SPATS2: variants seen among roughly 807,000 people sequenced by gnomAD.
The protein encoded by SPATS2 is spermatogenesis-associated serine-rich protein 2.
SPATS2 carries 38 observed loss-of-function variants against 63.7 expected under a neutral mutation model. The ratio of observed to expected loss-of-function variants is 0.60; its 90% CI spans 0.46 to 0.78. The LOEUF is 0.78. SPATS2 is among the 30% of genes least tolerant of loss of function. SPATS2 has a pLI of 0.00. For missense variants in SPATS2, 588 were observed against 666.2 expected (o/e 0.88, Z 1.29); for synonymous variants, 207 against 232.9 (o/e 0.89, Z 1.01).
chr12:49,392,004 C>T lies in SPATS2; in HGVS notation c.-244+20714C>T, dbSNP rs111517426. 4.7e-4 allele frequency among the ~76,000 whole-genome samples: 71 copies of T among 152,148 alleles called. 1 individual carries two copies. Among genetic ancestry groups the T allele is most frequent in the African/African-American group, 1.7e-3 (70 of 41,494 alleles). On this transcript the variant is annotated intron_variant, in intron 2 of 13. Transcript: ENST00000552918. ...TTTTATTGTTTTTGGGAAAGTATCCCTTAATTTAACGACACATTCATTCAG... is the reference window on the plus strand; with the variant it reads ...TTTTATTGTTTTTGGGAAAGTATCCTTTAATTTAACGACACATTCATTCAG...
intron 2 of SPATS2, chr12:49,442,413 A>T (rs1435557597): frequency 6.5e-6 from 1 of 153,052 alleles, no homozygotes; most frequent in Non-Finnish European, 1.5e-5. Context: ...TTTGATATTA[A>T]TCAAACTAGG....
intron 7 of SPATS2, among the ~76,000 whole-genome samples, chr12:49,495,590 G>A (rs1419615161): frequency 2.0e-5 from 3 of 152,040 alleles, no homozygotes; most frequent in African/African-American, 7.3e-5. Context: ...TTCCATTATT[G>A]GAACGCTGAG....
chr12:49,513,403 A>T (rs1439802417), intron 9 of SPATS2, among the ~76,000 whole-genome samples: 1 of 152,158 alleles, frequency 6.6e-6, no homozygotes, highest in African/African-American at 2.4e-5. Flanking sequence ...TTTTGCCACC[A>T]CAAAGCAAAA....
At chr12:49,409,274 G>C (rs1944752672) in intron 2 of SPATS2, among the ~76,000 whole-genome samples, 1 of 152,040 alleles carries the variant, frequency 6.6e-6, no homozygotes, top group South Asian at 2.1e-4. Flanking sequence ...TGGAGAGGTG[G>C]AGAATATTTT....
rs1327783252 is a variant in SPATS2 at position 49,524,796 on chromosome 12, C to CT, written c.1227dup (p.Pro410SerfsTer7). The stretch of plus-strand genomic sequence containing the variant: ...GCTTCCTCTTCCACCTGTGCCTCTC[C>CT]TCCCAGCCTTACAAGTGCTAACAAG... On this transcript the variant is annotated frameshift_variant, in exon 13 of 14. Transcript: ENST00000552918. LOFTEE classifies it high-confidence loss of function. 1 of 1,614,058 alleles carries CT rather than the reference C, an allele frequency of 6.2e-7. No homozygotes were observed. The highest frequency in any genetic ancestry group is 8.5e-7 in the Non-Finnish European group (1 of 1,180,046).
At chr12:49,486,346 C>G (rs1249881278) in intron 4 of SPATS2, 4 of 367,492 alleles carry the variant, frequency 1.1e-5, no homozygotes, top group Non-Finnish European at 1.6e-5. Context: ...GCTGGGGATA[C>G]AGGTGCGTGC....
chr12:49,396,421 CTCTG>C (rs1173518084), intron 2 of SPATS2, among the ~76,000 whole-genome samples: 4 of 152,140 alleles, frequency 2.6e-5, no homozygotes, highest in East Asian at 1.9e-4. Context: ...AGGTTTGTTT[CTCTG>C]TCTGTGTATG....
rs2137360669 is a variant in SPATS2 at position 49,411,360 on chromosome 12, T to G, written c.-244+40070T>G. Among the ~76,000 whole-genome samples the G allele has an allele frequency of 1.3e-5, 2 of 152,226 alleles. 1 individual carries two copies. The highest frequency in any genetic ancestry group is 4.2e-4 in the South Asian group (2 of 4,778). On this transcript the variant is annotated intron_variant, in intron 2 of 13. Transcript: ENST00000552918. ...TTCCAAGCCTCCATAACTCAAATAC[T>G]AGCTTATCTTGATGAATATGCATGT...
At position 49,459,064 on chromosome 12, in the gene SPATS2, C is replaced by T. The variant is rs564434155; in HGVS notation, c.-243-1706C>T. On this transcript the variant is annotated intron_variant, in intron 2 of 13. Coordinates refer to ENST00000552918, the MANE Select transcript of SPATS2 (RefSeq NM_023071.4). ...GCTCATGCACCTAGGTCACAATAAG[C>T]GAATAGAATGTAGAGGAGGGGTCAG... 7.2e-5 allele frequency among the ~76,000 whole-genome samples: 11 copies of T among 151,966 alleles called. No homozygotes were observed. The South Asian group carries it at 2.3e-3, about 32-fold the overall frequency.
intron 3 of SPATS2, among the ~76,000 whole-genome samples, chr12:49,471,505 A>T (rs1946033092): frequency 6.6e-6 from 1 of 152,082 alleles, no homozygotes. Context: ...ATTTTTTAAA[A>T]AATTTTTATA....
intron 2 of SPATS2, among the ~76,000 whole-genome samples, chr12:49,430,588 ATCT>A (rs1454834943): frequency 2.0e-5 from 3 of 152,126 alleles, no homozygotes; most frequent in African/African-American, 4.8e-5. Context: ...GTTAGCATTT[ATCT>A]TCTTGACACA....
chr12:49,522,874 G>A (rs1301140683), intron 12 of SPATS2, 21 bp downstream of exon 12: 2 of 1,593,664 alleles, frequency 1.3e-6, no homozygotes, highest in Non-Finnish European at 1.7e-6. Flanking sequence ...GAGAGGGTCT[G>A]GGCACTACAG....
chr12:49,434,495 C>T (rs1268715312), intron 2 of SPATS2, among the ~76,000 whole-genome samples: 1 of 152,182 alleles, frequency 6.6e-6, no homozygotes, highest in Non-Finnish European at 1.5e-5. Flanking sequence ...GTCTCTCTTG[C>T]TCATCTCCTT....
At chr12:49,488,386 G>A (rs1002807502) in intron 4 of SPATS2, among the ~76,000 whole-genome samples, 2 of 151,902 alleles carry the variant, frequency 1.3e-5, no homozygotes, top group Admixed American at 1.3e-4. Flanking sequence ...GGCCAGGTGC[G>A]GTAGCTCAAA....
At chr12:49,469,389 CAAAAAAAAA>C (rs779364300) in intron 3 of SPATS2, 1 of 66,930 alleles carries the variant, frequency 1.5e-5, no homozygotes, top group Non-Finnish European at 2.7e-5. Context: ...GACTCTGTCT[CAAAAAAAAA>C]AAAAAAAAAA....
chr12:49,502,367 C>T (rs1946580175), intron 9 of SPATS2, among the ~76,000 whole-genome samples: 1 of 152,204 alleles, frequency 6.6e-6, no homozygotes, highest in Admixed American at 6.5e-5. Context: ...CTAGATAATT[C>T]ATCTTAGTCT....
chr12:49,526,026 A>G lies in SPATS2; in HGVS notation c.1409A>G (p.His470Arg). 2 of 1,614,260 alleles carry G rather than the reference A, an allele frequency of 1.2e-6. No individual in the cohort carries two copies. The highest frequency in any genetic ancestry group is 1.1e-5 in the South Asian group (1 of 91,086). The change falls in exon 14 of 14, where the codon CAT becomes CGT. Residue 470 changes from histidine to arginine, a missense_variant. By Grantham distance (29) the His-to-Arg change is conservative. Transcript: ENST00000552918. ...AATGACCCCATGAACCAAGGGCGGC[A>G]TGACAGTATGGGTCGTTACAGAAAC... ...KSNDPMNQGR[H>R]DSMGRYRNSS...
intron 2 of SPATS2, among the ~76,000 whole-genome samples, chr12:49,391,519 A>T (rs890908579): frequency 6.6e-6 from 1 of 152,200 alleles, no homozygotes; most frequent in African/African-American, 2.4e-5. Context: ...CTCAAAAAAT[A>T]TGTATATTTT....
intron 2 of SPATS2, among the ~76,000 whole-genome samples, chr12:49,385,822 G>A (rs1440985135): frequency 1.4e-5 from 2 of 146,160 alleles, no homozygotes; most frequent in African/African-American, 2.6e-5. Context: ...TTACAATTTT[G>A]TGGGGTTTTT....
Sources: gnomAD v4.1 joint callset for allele counts (sites outside exome capture counted in the v4.1 genomes callset) on GRCh38, gnomAD v4.1.1 for gene constraint, MANE v1.5 for transcripts, NCBI Gene and HGNC (gene_info 2026-07-23, HGNC 2026-07-21) for gene names.